Variants in SEMA3A observed in about 807,000 individuals in gnomAD.
The protein encoded by SEMA3A is semaphorin 3A.
In SEMA3A, 29 loss-of-function variants were observed where a neutral mutation model predicts 97.9. The ratio of observed to expected loss-of-function variants is 0.30; its 90% CI spans 0.22 to 0.40. The LOEUF (loss-of-function observed/expected upper bound fraction) is 0.40, where lower values mean the gene tolerates loss of function less well. SEMA3A is among the 10% of genes least tolerant of loss of function. The pLI is 1.00. For missense variants in SEMA3A, 763 were observed against 951.3 expected, an observed-to-expected ratio of 0.80 and a Z score of 2.60; for synonymous variants, 321 against 323.7, an observed-to-expected ratio of 0.99 and a Z score of 0.09.
chr7:84,062,735 G>C (rs1035083341), intron 4 of SEMA3A, among the ~76,000 whole-genome samples: 2 of 152,232 alleles, frequency 1.3e-5, no homozygotes, highest in African/African-American at 2.4e-5. Context: ...GGCGCATCAC[G>C]AGATTATATC....
chr7:84,425,583 T>A (rs1804796904), intron 1 of SEMA3A, among the ~76,000 whole-genome samples: 1 of 146,320 alleles, frequency 6.8e-6, no homozygotes, highest in Admixed American at 7.0e-5. Flanking sequence ...CATATATTGA[T>A]ATAAATATAA....
intron 1 of SEMA3A, among the ~76,000 whole-genome samples, chr7:84,414,665 G>C (rs929581156): frequency 6.6e-6 from 1 of 151,938 alleles, no homozygotes; most frequent in Non-Finnish European, 1.5e-5. Context: ...AAAACACTCA[G>C]ATGGTGGGAC....
intron 4 of SEMA3A, among the ~76,000 whole-genome samples, chr7:84,070,585 G>C (rs114071336): frequency 6.6e-6 from 1 of 152,086 alleles, no homozygotes; most frequent in Non-Finnish European, 1.5e-5. Flanking sequence ...GTGGGAAATT[G>C]CATAAAATTA....
chr7:84,333,531 A>C (rs17158881), intron 2 of SEMA3A, among the ~76,000 whole-genome samples: 2,289 of 152,274 alleles, frequency 0.015, 88 homozygotes, highest in East Asian at 0.14. Context: ...AGGAGTACTT[A>C]ATTATTATTT....
intron 1 of SEMA3A, among the ~76,000 whole-genome samples, chr7:84,490,159 T>TA (rs770977870): frequency 3.5e-4 from 39 of 110,182 alleles, no homozygotes; most frequent in South Asian, 2.6e-4. Flanking sequence ...AAGAACCATT[T>TA]AAAAAATGTA....
chr7:84,424,620 A>G lies in SEMA3A; in HGVS notation c.-245-52720T>C, dbSNP rs867071715. Among the ~76,000 whole-genome samples the G allele has an allele frequency of 2.2e-4, 10 of 45,742 alleles. No individual in the cohort carries two copies. The East Asian group carries it at 7.8e-3, about 36-fold the overall frequency. 30.0% of individuals were successfully genotyped at this position (45,742 alleles called of 152,430 possible). ...TATAAATATTAATATATAATATAAT[A>G]TATAATATATATACAATATATATTA... is the stretch of plus-strand genomic sequence containing the variant. On this transcript the variant is annotated intron_variant, in intron 1 of 3. Transcript: ENST00000424555.
chr7:84,060,904 GTTAAAC>G (rs1327584662), intron 4 of SEMA3A, among the ~76,000 whole-genome samples: 1 of 152,132 alleles, frequency 6.6e-6, no homozygotes, highest in African/African-American at 2.4e-5. Flanking sequence ...AGGAAAGAAT[GTTAAAC>G]TTAAATAAAA....
chr7:84,132,736 C>T (rs1211676203), intron 2 of SEMA3A, among the ~76,000 whole-genome samples: 2 of 121,508 alleles, frequency 1.6e-5, no homozygotes, highest in African/African-American at 6.2e-5. Flanking sequence ...AGTGCAATGG[C>T]ATGATCTCAG....
At chr7:84,081,383 G>T (rs944461083) in intron 4 of SEMA3A, among the ~76,000 whole-genome samples, 4 of 152,050 alleles carry the variant, frequency 2.6e-5, no homozygotes, top group African/African-American at 9.7e-5. Context: ...ACGAGGTCAG[G>T]AGATCAAGAC....
chr7:84,128,053 T>A (rs1308568031), intron 3 of SEMA3A, among the ~76,000 whole-genome samples: 1 of 152,182 alleles, frequency 6.6e-6, no homozygotes, highest in Admixed American at 6.6e-5. Flanking sequence ...GTGCAAATAC[T>A]GGGCTATTCC....
At chr7:83,995,891 A>G (rs1790196622) in intron 12 of SEMA3A, among the ~76,000 whole-genome samples, 1 of 152,216 alleles carries the variant, frequency 6.6e-6, no homozygotes, top group South Asian at 2.1e-4. Flanking sequence ...GAGTTTATAG[A>G]CTAGGTTAGG....
chr7:84,195,687 A>C (rs1178533650), upstream of SEMA3A, among the ~76,000 whole-genome samples: 1 of 152,186 alleles, frequency 6.6e-6, no homozygotes, highest in Non-Finnish European at 1.5e-5. Flanking sequence ...TCAGAATTTA[A>C]AAACGTCTAT....
chr7:84,081,325 G>T (rs1002270055), intron 4 of SEMA3A, among the ~76,000 whole-genome samples: 2 of 152,078 alleles, frequency 1.3e-5, no homozygotes, highest in East Asian at 1.9e-4. Flanking sequence ...GGGCGCGGTG[G>T]CTCATGCCTG....
chr7:84,349,242 G>A (rs1046177277), intron 2 of SEMA3A, among the ~76,000 whole-genome samples: 2 of 151,974 alleles, frequency 1.3e-5, no homozygotes, highest in Non-Finnish European at 1.5e-5. Context: ...CTCCATGTAC[G>A]TTATGGGTTC....
At chr7:84,121,547 T>C (rs1795617148) in intron 3 of SEMA3A, among the ~76,000 whole-genome samples, 1 of 149,452 alleles carries the variant, frequency 6.7e-6, no homozygotes, top group South Asian at 2.2e-4. Context: ...GAACTCATCC[T>C]TTTTTTGGCT....
chr7:84,016,661 T>C (rs1482897696), intron 6 of SEMA3A, among the ~76,000 whole-genome samples: 1 of 152,164 alleles, frequency 6.6e-6, no homozygotes. Context: ...CTTTTCAAAT[T>C]ATGTTTATTT....
At chr7:84,229,713 C>T (rs1584147549) in intron 3 of SEMA3A, among the ~76,000 whole-genome samples, 1 of 152,038 alleles carries the variant, frequency 6.6e-6, no homozygotes, top group Admixed American at 6.6e-5. Context: ...AATTTCTGGA[C>T]TCTCTATCCA....
chr7:84,118,779 G>A (rs992184155), intron 3 of SEMA3A, among the ~76,000 whole-genome samples: 1 of 152,164 alleles, frequency 6.6e-6, no homozygotes, highest in Non-Finnish European at 1.5e-5. Context: ...ATAAACAACT[G>A]TAGTTACCTA....
chr7:84,024,031 T>A (rs4016226), intron 6 of SEMA3A, among the ~76,000 whole-genome samples: 1 of 143,446 alleles, frequency 7.0e-6, no homozygotes, highest in Non-Finnish European at 1.5e-5. Flanking sequence ...AAAAAAAAAA[T>A]TAGTTCACAG....
Sources: allele counts gnomAD v4.1 joint callset (sites outside exome capture counted in the v4.1 genomes callset), GRCh38; gene constraint gnomAD v4.1.1; transcripts MANE v1.5; gene names NCBI Gene and HGNC (gene_info 2026-07-23, HGNC 2026-07-21).